The following DDX46 variants were observed in gnomAD, a reference collection of about 807,000 sequenced individuals.
DDX46 encodes DEAD-box helicase 46, also known as probable ATP-dependent RNA helicase DDX46.
DDX46 carries 30 observed loss-of-function variants against 134.9 expected under a neutral mutation model. The ratio of observed to expected loss-of-function variants is 0.22; its 90% CI spans 0.17 to 0.30. The LOEUF is 0.30. Among genes scored for constraint, DDX46 ranks in the 10% least tolerant of loss-of-function variants. The pLI, the probability that DDX46 is intolerant of heterozygous loss-of-function variation, is 1.00. For synonymous variants in DDX46, 415 were observed against 404.1 expected (o/e 1.03, Z -0.32); for missense variants, 622 against 1,248.7 (o/e 0.50, Z 7.56).
chr5:134,811,924 A>G (rs1755156303), intron 18 of DDX46, 79 bp downstream of exon 18: 21 of 1,502,380 alleles, frequency 1.4e-5, no homozygotes, highest in Non-Finnish European at 1.7e-5. Flanking sequence ...TATGGTTATC[A>G]AGATAGACAA....
intron 12 of DDX46, 114 bp downstream of exon 12, chr5:134,788,705 G>C: frequency 2.1e-6 from 2 of 966,752 alleles, no homozygotes; most frequent in South Asian, 1.5e-5. Context: ...TAAAGCTGCA[G>C]TATCTTAAAA....
intron 16 of DDX46, among the ~76,000 whole-genome samples, 157 bp downstream of exon 16, chr5:134,808,098 G>A (rs1204307629): frequency 6.6e-6 from 1 of 152,106 alleles, no homozygotes; most frequent in African/African-American, 2.4e-5. Context: ...TTATATACAT[G>A]TACAGGTCTA....
chr5:134,795,064 A>G (rs72800345), intron 14 of DDX46, 50 bp downstream of exon 14: 40,237 of 1,599,744 alleles, frequency 0.025, 619 homozygotes, highest in Non-Finnish European at 0.03. Context: ...CTTAGGTGGT[A>G]TGTATGATTC....
Position 134,828,115 on chromosome 5 carries a change from G to T in DDX46, c.3052-544G>T, listed in dbSNP as rs182469451. Among the ~76,000 whole-genome samples, 208 of 152,290 alleles carry T rather than the reference G, an allele frequency of 1.4e-3. 2 individuals carry two copies. Among genetic ancestry groups the T allele is most frequent in the African/African-American group, 4.6e-3 (191 of 41,564 alleles). On this transcript the variant is annotated intron_variant, in intron 22 of 22. Transcript: ENST00000452510. ...CCCGAGGAGGTAGACATGTCCTTGT[G>T]TCTTTAGTGCCAGTTGCAGCTTATA...
intron 3 of DDX46, 94 bp from the exon 4 acceptor site, chr5:134,770,809 A>G: frequency 2.8e-6 from 3 of 1,072,934 alleles, no homozygotes; most frequent in South Asian, 3.2e-5. Context: ...AGAGTGAGAC[A>G]CTGTCTCAAA....
At chr5:134,826,888 T>C (rs1283695747) in intron 21 of DDX46, 59 bp from the exon 22 acceptor site, 3 of 1,517,260 alleles carry the variant, frequency 2.0e-6, no homozygotes, top group Non-Finnish European at 2.7e-6. Context: ...CTCCGTGATA[T>C]GGGTAAACAC....
At chr5:134,819,575 G>A (rs1755384558) in intron 21 of DDX46, among the ~76,000 whole-genome samples, 2 of 152,172 alleles carry the variant, frequency 1.3e-5, no homozygotes, top group Admixed American at 1.3e-4. Context: ...ATTTTGTCTG[G>A]CTGGAGTGCA....
Position 134,798,189 on chromosome 5 carries a change from T to C in DDX46, c.1954+2039T>C, listed in dbSNP as rs1454507137. The stretch of plus-strand genomic sequence containing the variant: ...CCCCCCACCGTTTTTTTTTTTTTGT[T>C]GTTGTTTGTTTGTTTGTTTGAGACA... On this transcript the variant is annotated intron_variant, in intron 15 of 22. Coordinates refer to ENST00000452510, the MANE Select transcript of DDX46 (RefSeq NM_001300860.2). Among the ~76,000 whole-genome samples, 3 of 150,244 alleles carry C rather than the reference T, an allele frequency of 2.0e-5. No homozygotes were observed. In the East Asian group the frequency reaches 5.9e-4, roughly 30 times the overall value.
intron 15 of DDX46, among the ~76,000 whole-genome samples, chr5:134,797,765 G>A (rs1296006954): frequency 6.6e-6 from 1 of 152,106 alleles, no homozygotes; most frequent in Non-Finnish European, 1.5e-5. Context: ...AAATTAAAGG[G>A]GCTTTGAAGA....
rs1477382703 is a variant in DDX46, at chr5:134,805,833, CTCTGT to C, written c.1955-1911_1955-1907del. ...CAGGCGTGAGCCTTGCCCCCAGCCT[CTCTGT>C]TCTAATTTCTAATACATTAAGTATT... is the stretch of plus-strand genomic sequence containing the variant. On this transcript the variant is annotated intron_variant, in intron 15 of 22. Coordinates refer to ENST00000452510, the MANE Select transcript of DDX46 (RefSeq NM_001300860.2). Among the ~76,000 whole-genome samples, 3 of 152,150 alleles carry C rather than the reference CTCTGT, an allele frequency of 2.0e-5. No individual in the cohort carries two copies. The East Asian group carries it at 5.8e-4, about 29-fold the overall frequency.
intron 16 of DDX46, 122 bp downstream of exon 16, chr5:134,808,063 G>A (rs1354377436): frequency 1.1e-5 from 10 of 886,072 alleles, no homozygotes; most frequent in African/African-American, 3.4e-5. Flanking sequence ...TCCACATAAT[G>A]TGAAGAGTGG....
intron 18 of DDX46, among the ~76,000 whole-genome samples, chr5:134,812,062 T>C (rs1184845579): frequency 7.0e-6 from 1 of 142,794 alleles, no homozygotes; most frequent in Non-Finnish European, 1.5e-5. Flanking sequence ...AAAAGTCCTT[T>C]TTTTTTTTTT....
chr5:134,794,978 C>A lies in DDX46; in HGVS notation c.1755C>A (p.Gly585=), dbSNP rs780241491. ...LSKPIEVQVG[G]RSVVCSDVEQ... is the part of the protein sequence containing the mutation. ...AACCTATTGAAGTACAAGTTGGAGG[C>A]AGGAGTGTGGTTTGCTCAGATGTGG... The change falls in exon 14 of 23, where the codon GGC becomes GGA. Residue 585 remains glycine (G), a synonymous_variant. Coordinates refer to ENST00000452510, the MANE Select transcript of DDX46 (RefSeq NM_001300860.2). 1 of 1,614,110 alleles carries A rather than the reference C, an allele frequency of 6.2e-7. No individual in the cohort carries two copies. Among genetic ancestry groups the A allele is most frequent in the Non-Finnish European group, 8.5e-7 (1 of 1,180,008 alleles).
intron 15 of DDX46, chr5:134,797,191 A>AAC (rs1561865707): frequency 9.3e-5 from 27 of 290,290 alleles, no homozygotes; most frequent in South Asian, 1.7e-4. Context: ...AAAAAAAAAA[A>AAC]AAAAAACACA....
chr5:134,786,328 G>A (rs1417121192), intron 11 of DDX46, among the ~76,000 whole-genome samples: 2 of 152,034 alleles, frequency 1.3e-5, no homozygotes, highest in South Asian at 2.1e-4. Flanking sequence ...AACATACTAT[G>A]TTAATGCTAG....
Position 134,789,988 on chromosome 5 carries a change from A to G in DDX46, c.1544-482A>G, listed in dbSNP as rs549332419. 227 of 426,858 alleles carry G rather than the reference A, an allele frequency of 5.3e-4. 1 individual carries two copies. The highest frequency in any genetic ancestry group is 2.5e-3 in the South Asian group (146 of 59,018). 26.4% of individuals were successfully genotyped at this position (426,858 alleles called of 1,614,324 possible). A position where few individuals can be genotyped will look rare whatever the true frequency, so the allele number is the denominator to read the frequency against. On this transcript the variant is annotated intron_variant, in intron 12 of 22. Transcript: ENST00000452510. ...TGACATGCCCATTTAAGAAGCTTCT[A>G]AATATATGGAAGTAGGTTATAAAAT...
chr5:134,807,252 C>A (rs966087801), intron 15 of DDX46, among the ~76,000 whole-genome samples: 1 of 150,476 alleles, frequency 6.6e-6, no homozygotes, highest in Non-Finnish European at 1.5e-5. Flanking sequence ...GAACTCCTGA[C>A]CTCATGATCT....
chr5:134,791,255 G>A (rs1754494734), intron 13 of DDX46, among the ~76,000 whole-genome samples: 1 of 152,142 alleles, frequency 6.6e-6, no homozygotes, highest in East Asian at 1.9e-4. Context: ...TCTAGCTTAG[G>A]TTTTTATGTT....
intron 14 of DDX46, among the ~76,000 whole-genome samples, 187 bp downstream of exon 14, chr5:134,795,201 C>G (rs1388781841): frequency 7.2e-6 from 1 of 138,084 alleles, no homozygotes; most frequent in Non-Finnish European, 1.5e-5. Flanking sequence ...ATTTAAAATG[C>G]TTGTTTTTTT....
Sources: allele counts gnomAD v4.1 joint callset (sites outside exome capture counted in the v4.1 genomes callset), GRCh38; gene constraint gnomAD v4.1.1; transcripts MANE v1.5; gene names NCBI Gene and HGNC (gene_info 2026-07-23, HGNC 2026-07-21).